The following TMTC1 variants were observed in gnomAD, a reference collection of about 807,000 sequenced individuals.
TMTC1 encodes the protein transmembrane O-mannosyltransferase targeting cadherins 1, also known as protein O-mannosyl-transferase TMTC1.
In TMTC1, 73 loss-of-function variants were observed where a neutral mutation model predicts 104.8. That is an observed-to-expected ratio of 0.70 (90% CI 0.58 to 0.85). The LOEUF (loss-of-function observed/expected upper bound fraction) is 0.85, where lower values mean the gene tolerates loss of function less well. TMTC1 is among the 40% of genes least tolerant of loss of function. The pLI, the probability that TMTC1 is intolerant of heterozygous loss-of-function variation, is 0.00. For missense variants in TMTC1, 1,035 were observed against 1,096.1 expected (o/e 0.94, Z 0.79); for synonymous variants, 434 against 428.7 (o/e 1.01, Z -0.15).
chr12:29,704,027 T>C (rs536013386), intron 5 of TMTC1, among the ~76,000 whole-genome samples: 137 of 152,280 alleles, frequency 9.0e-4, no homozygotes, highest in African/African-American at 3.0e-3. Context: ...GTGAGTCCAT[T>C]GAACCTCTTT....
rs139425301 is a variant in TMTC1 at position 29,745,088 on chromosome 12, A to T, written c.938+6578T>A. On this transcript the variant is annotated intron_variant, in intron 5 of 17. Transcript: ENST00000539277. ...TTACAGGCATGAGCCACAGTGCCCA[A>T]CTTTAATTTTTTTTATTTTTTAAAA... Among the ~76,000 whole-genome samples the T allele has an allele frequency of 2.1e-3, 313 of 152,156 alleles. 1 individual carries two copies. The highest frequency in any genetic ancestry group is 7.4e-3 in the African/African-American group (308 of 41,486).
chr12:29,749,530 G>A (rs930786185), intron 5 of TMTC1, among the ~76,000 whole-genome samples: 2 of 152,076 alleles, frequency 1.3e-5, no homozygotes, highest in Non-Finnish European at 2.9e-5. Context: ...CATCTCCAGT[G>A]ATCTCTGTAC....
chr12:29,764,474 T>C (rs437999), intron 2 of TMTC1, among the ~76,000 whole-genome samples: 133,732 of 152,138 alleles, frequency 0.88, 60,198 homozygotes, highest in East Asian at 0.99. Flanking sequence ...TGCCATTGCA[T>C]CCCAGTCTGG....
intron 5 of TMTC1, among the ~76,000 whole-genome samples, chr12:29,746,120 A>G (rs1369918481): frequency 6.6e-6 from 1 of 152,212 alleles, no homozygotes; most frequent in Non-Finnish European, 1.5e-5. Flanking sequence ...TGAGGTTTAT[A>G]TTTTAAGAGA....
chr12:29,504,721 T>A lies in TMTC1; in HGVS notation c.*2125A>T, dbSNP rs1482893551. 1 of 152,200 alleles carries A rather than the reference T, an allele frequency of 6.6e-6. No homozygotes were observed. Among genetic ancestry groups the A allele is most frequent in the Non-Finnish European group, 1.5e-5 (1 of 68,030 alleles). The allele number at this position is 152,200 out of a possible 1,614,324, so 9.4% of individuals were successfully genotyped here. The stretch of plus-strand genomic sequence containing the variant: ...AGGCTGAAATCACCATTTCTGTTAT[T>A]CCAACAAATGTACTCTCCTACCTTT... On this transcript the variant is annotated 3_prime_UTR_variant, in exon 18 of 18. Coordinates refer to ENST00000539277, the MANE Select transcript of TMTC1 (RefSeq NM_001193451.2).
At chr12:29,751,313 A>T (rs1336822260) in intron 5 of TMTC1, among the ~76,000 whole-genome samples, 2 of 152,164 alleles carry the variant, frequency 1.3e-5, no homozygotes, top group African/African-American at 4.8e-5. Context: ...TTCAGATCAA[A>T]CACAAAGAGC....
chr12:29,781,880 G>A (rs1369118768), intron 1 of TMTC1, among the ~76,000 whole-genome samples: 1 of 152,152 alleles, frequency 6.6e-6, no homozygotes, highest in Non-Finnish European at 1.5e-5. Context: ...AAACCTTCTA[G>A]AAAGTCAAGA....
chr12:29,682,420 AC>A (rs1940949690), intron 5 of TMTC1, among the ~76,000 whole-genome samples: 1 of 152,076 alleles, frequency 6.6e-6, no homozygotes, highest in Non-Finnish European at 1.5e-5. Flanking sequence ...CCACACAAAA[AC>A]CTGTACATGA....
chr12:29,599,271 A>C (rs1946490326), intron 7 of TMTC1, among the ~76,000 whole-genome samples: 1 of 152,236 alleles, frequency 6.6e-6, no homozygotes, highest in African/African-American at 2.4e-5. Flanking sequence ...ATTTCTATAA[A>C]AGAATGATTT....
At chr12:29,710,589 ATTT>A (rs970901343) in intron 5 of TMTC1, among the ~76,000 whole-genome samples, 1 of 144,006 alleles carries the variant, frequency 6.9e-6, no homozygotes, top group Admixed American at 7.1e-5. Flanking sequence ...ATATATTTAT[ATTT>A]ATTATACTTA....
At chr12:29,678,388 G>A (rs566950474) in intron 5 of TMTC1, among the ~76,000 whole-genome samples, 3 of 152,258 alleles carry the variant, frequency 2.0e-5, no homozygotes, top group Admixed American at 6.5e-5. Flanking sequence ...GTAAGTGGAC[G>A]TGACAGGCAA....
intron 3 of TMTC1, 124 bp downstream of exon 3, chr12:29,758,579 TG>T: frequency 2.1e-6 from 2 of 957,526 alleles, no homozygotes; most frequent in Non-Finnish European, 3.3e-6. Flanking sequence ...TTCCTATTCC[TG>T]GTCCCTGGAA....
At position 29,572,189 on chromosome 12, in the gene TMTC1, G is replaced by A. The variant is rs1945697270; in HGVS notation, c.1448C>T (p.Ala483Val). 6.2e-7 allele frequency: 1 copy of A among 1,613,798 alleles called. No individual in the cohort carries two copies. Residue 483 changes from alanine to valine, a missense_variant, in exon 9 of 18, where the codon GCC becomes GTC. By Grantham distance (64) the Ala-to-Val change is moderately conservative. Transcript: ENST00000539277. ...ATTGGCATAGTTGTAGTGAACCTTGGCATTGTGGGGCAGAGTTTGAACTCC... is the reference window on the plus strand; with the variant it reads ...ATTGGCATAGTTGTAGTGAACCTTGACATTGTGGGGCAGAGTTTGAACTCC... ...RSGVQTLPHN[A>V]KVHYNYANFL... is the part of the protein sequence containing the mutation.
intron 10 of TMTC1, among the ~76,000 whole-genome samples, chr12:29,537,472 T>C (rs2136205453): frequency 6.6e-6 from 1 of 152,290 alleles, no homozygotes; most frequent in African/African-American, 2.4e-5. Context: ...GTCTTCGGAG[T>C]GCTCTTCCAT....
chr12:29,657,861 T>C (rs1221860141), intron 5 of TMTC1, among the ~76,000 whole-genome samples: 2 of 152,186 alleles, frequency 1.3e-5, no homozygotes, highest in East Asian at 3.8e-4. Flanking sequence ...ATCCCAGCAC[T>C]TGGAGAGGCT....
At chr12:29,620,473 A>G (rs1947102198) in intron 6 of TMTC1, among the ~76,000 whole-genome samples, 1 of 152,238 alleles carries the variant, frequency 6.6e-6, no homozygotes, top group Admixed American at 6.5e-5. Context: ...TTAATTATTG[A>G]ATTTCATGTG....
chr12:29,600,321 C>G (rs891892435), intron 7 of TMTC1, among the ~76,000 whole-genome samples: 1 of 152,010 alleles, frequency 6.6e-6, no homozygotes, highest in Non-Finnish European at 1.5e-5. Context: ...AGGGACAGCT[C>G]ATCACTGGTA....
intron 5 of TMTC1, among the ~76,000 whole-genome samples, chr12:29,731,763 C>T (rs745488437): frequency 6.6e-6 from 1 of 152,160 alleles, no homozygotes; most frequent in Non-Finnish European, 1.5e-5. Context: ...ATTGTAGCTA[C>T]CACTTTTTAT....
At chr12:29,667,720 T>A (rs567034879) in intron 5 of TMTC1, among the ~76,000 whole-genome samples, 1 of 152,208 alleles carries the variant, frequency 6.6e-6, no homozygotes, top group Non-Finnish European at 1.5e-5. Context: ...ATTAATTTAG[T>A]TGGAGGCCCT....
Sources: gnomAD v4.1 joint callset for allele counts (sites outside exome capture counted in the v4.1 genomes callset) on GRCh38, gnomAD v4.1.1 for gene constraint, MANE v1.5 for transcripts, NCBI Gene and HGNC (gene_info 2026-07-23, HGNC 2026-07-21) for gene names.